Variants in SLC35F4 observed in about 807,000 individuals in gnomAD.
SLC35F4 encodes solute carrier family 35 member F4.
SLC35F4 carries 24 observed loss-of-function variants against 44.2 expected under a neutral mutation model. The ratio of observed to expected loss-of-function variants is 0.54; its 90% CI spans 0.39 to 0.76. SLC35F4 has a LOEUF of 0.76. SLC35F4 is among the 30% of genes least tolerant of loss of function. SLC35F4 has a pLI of 0.00. For missense variants in SLC35F4, 562 were observed against 586.1 expected (o/e 0.96, Z 0.42); for synonymous variants, 238 against 223.6 (o/e 1.06, Z -0.57).
intron 1 of SLC35F4, among the ~76,000 whole-genome samples, chr14:57,688,059 G>T (rs2075118634): frequency 6.6e-6 from 1 of 152,082 alleles, no homozygotes. Flanking sequence ...AATTCTGATA[G>T]ATATCATTTA....
At chr14:57,851,239 T>C (rs575592098) in intron 1 of SLC35F4, among the ~76,000 whole-genome samples, 1 of 152,344 alleles carries the variant, frequency 6.6e-6, no homozygotes, top group Non-Finnish European at 1.5e-5. Flanking sequence ...ATTATTTCCA[T>C]CTTCCAGATA....
At chr14:57,570,361 ATTTT>A (rs1316510490) in intron 5 of SLC35F4, among the ~76,000 whole-genome samples, 2 of 152,176 alleles carry the variant, frequency 1.3e-5, no homozygotes, top group Admixed American at 6.5e-5. Context: ...TTTTATCCTT[ATTTT>A]GATAGATACT....
At chr14:57,650,339 C>G (rs1271792659) in intron 1 of SLC35F4, among the ~76,000 whole-genome samples, 1 of 152,098 alleles carries the variant, frequency 6.6e-6, no homozygotes, top group Non-Finnish European at 1.5e-5. Flanking sequence ...ATGTTTCAAG[C>G]AGAAATTGTT....
At chr14:57,731,740 T>C (rs1203914378) in intron 1 of SLC35F4, among the ~76,000 whole-genome samples, 1 of 152,200 alleles carries the variant, frequency 6.6e-6, no homozygotes, top group East Asian at 1.9e-4. Flanking sequence ...ACCTGAAACC[T>C]TTTGGAGGAA....
chr14:57,870,960 C>T (rs1888285851), upstream of SLC35F4, among the ~76,000 whole-genome samples: 1 of 152,222 alleles, frequency 6.6e-6, no homozygotes, highest in Non-Finnish European at 1.5e-5. Flanking sequence ...AGATCAGCAG[C>T]TCTTCTTGTC....
intron 1 of SLC35F4, among the ~76,000 whole-genome samples, chr14:57,772,541 G>T (rs2077392057): frequency 6.6e-6 from 1 of 151,948 alleles, no homozygotes; most frequent in African/African-American, 2.4e-5. Flanking sequence ...TTCTCCTTTT[G>T]GAGTCCCCAG....
At chr14:57,753,790 T>C (rs895680509) in intron 1 of SLC35F4, among the ~76,000 whole-genome samples, 3 of 152,076 alleles carry the variant, frequency 2.0e-5, no homozygotes, top group Admixed American at 1.3e-4. Flanking sequence ...GGGGAGAGAA[T>C]AGCTCCTATT....
chr14:57,614,360 G>T (rs1942872295), intron 1 of SLC35F4, among the ~76,000 whole-genome samples: 1 of 152,192 alleles, frequency 6.6e-6, no homozygotes. Context: ...AACTCTCAGT[G>T]TTGGTGCCCT....
intron 1 of SLC35F4, among the ~76,000 whole-genome samples, chr14:57,642,229 C>T (rs1291572761): frequency 1.3e-5 from 2 of 151,754 alleles, no homozygotes; most frequent in Non-Finnish European, 2.9e-5. Flanking sequence ...TTGCAATCAC[C>T]ATTTCTTTCT....
chr14:57,683,873 G>A lies in SLC35F4; in HGVS notation c.104-89749C>T, dbSNP rs183687057. On this transcript the variant is annotated intron_variant, in intron 1 of 7. Coordinates refer to ENST00000556826, the MANE Select transcript of SLC35F4 (RefSeq NM_001306087.2). ...CCAAGCCCAACTCCTCTGGGGTTGG[G>A]GTGGGAGCTGAACAGAAGGGCAGAA... Among the ~76,000 whole-genome samples, 9 of 152,144 alleles carry A rather than the reference G, an allele frequency of 5.9e-5. No homozygotes were observed. In the East Asian group the frequency reaches 1.6e-3, roughly 26 times the overall value.
intron 1 of SLC35F4, among the ~76,000 whole-genome samples, chr14:57,786,612 G>C (rs2077767821): frequency 6.6e-6 from 1 of 152,190 alleles, no homozygotes; most frequent in Non-Finnish European, 1.5e-5. Context: ...ACAATGCCCA[G>C]TACCAGCCCG....
At chr14:57,590,128 G>T (rs188016360) in intron 2 of SLC35F4, among the ~76,000 whole-genome samples, 1 of 148,190 alleles carries the variant, frequency 6.7e-6, no homozygotes, top group East Asian at 2.0e-4. Flanking sequence ...TGTGACTCAG[G>T]CCTGTCATCT....
At chr14:57,776,913 G>T (rs995907085) in intron 1 of SLC35F4, among the ~76,000 whole-genome samples, 3 of 152,076 alleles carry the variant, frequency 2.0e-5, no homozygotes, top group African/African-American at 7.2e-5. Flanking sequence ...CGAGGGTCTC[G>T]TAAGAGCTGC....
At chr14:57,778,143 GCTCT>G (rs1310196026) in intron 1 of SLC35F4, among the ~76,000 whole-genome samples, 1 of 152,074 alleles carries the variant, frequency 6.6e-6, no homozygotes, top group African/African-American at 2.4e-5. Context: ...CTCTGCATAA[GCTCT>G]CTCTCTTTGC....
At chr14:57,567,309 T>C (rs1323209061) in intron 6 of SLC35F4, among the ~76,000 whole-genome samples, 2 of 152,164 alleles carry the variant, frequency 1.3e-5, no homozygotes, top group Non-Finnish European at 2.9e-5. Flanking sequence ...ATTATTCTCA[T>C]AGAGTCTACT....
chr14:57,859,498 G>A (rs1006556989), intron 1 of SLC35F4, among the ~76,000 whole-genome samples: 8 of 152,192 alleles, frequency 5.3e-5, no homozygotes, highest in Non-Finnish European at 1.2e-4. Flanking sequence ...AGAGGATTGT[G>A]GTGTAGGGGG....
At chr14:57,978,250 A>G (rs1881275127) in intron 1 of SLC35F4, among the ~76,000 whole-genome samples, 1 of 152,148 alleles carries the variant, frequency 6.6e-6, no homozygotes, top group African/African-American at 2.4e-5. Context: ...ATAGAGCATC[A>G]TCCCTTTCAG....
At chr14:57,605,423 CAGAATGGCTTTTGTTAAAAAGTCA>C (rs2140007519) in intron 1 of SLC35F4, among the ~76,000 whole-genome samples, 1 of 152,068 alleles carries the variant, frequency 6.6e-6, no homozygotes, top group East Asian at 1.9e-4. Flanking sequence ...TCACATCAGT[CAGAATGGCTTTTGTTAAAAAGTCA>C]AAAAATAAGA....
intron 1 of SLC35F4, among the ~76,000 whole-genome samples, chr14:57,751,936 C>CTCTG (rs1491199448): frequency 1.6e-4 from 21 of 134,996 alleles, no homozygotes; most frequent in African/African-American, 5.4e-4. Flanking sequence ...CTCTCTCTCT[C>CTCTG]TGTGTGTGTG....
Sources: gnomAD v4.1 joint callset for allele counts (sites outside exome capture counted in the v4.1 genomes callset) on GRCh38, gnomAD v4.1.1 for gene constraint, MANE v1.5 for transcripts, NCBI Gene and HGNC (gene_info 2026-07-23, HGNC 2026-07-21) for gene names.